LRRC4C: variants seen among roughly 807,000 people sequenced by gnomAD.
The protein encoded by LRRC4C is leucine-rich repeat-containing protein 4C.
LRRC4C carries 5 observed loss-of-function variants against 33.6 expected under a neutral mutation model. The ratio of observed to expected loss-of-function variants is 0.15; its 90% CI spans 0.08 to 0.31. LRRC4C has a LOEUF of 0.31. Ranked by LOEUF, LRRC4C falls within the 10% of genes least tolerant of loss-of-function variation. The probability of loss-of-function intolerance (pLI) is 1.00; values close to 1 mark genes in which losing one functional copy is unlikely to be tolerated. For synonymous variants in LRRC4C, 329 were observed against 302.0 expected (o/e 1.09, Z -0.93); for missense variants, 560 against 796.7 (o/e 0.70, Z 3.58).
intron 2 of LRRC4C, among the ~76,000 whole-genome samples, chr11:40,733,318 G>A (rs780295008): frequency 2.3e-4 from 35 of 151,990 alleles, no homozygotes; most frequent in Non-Finnish European, 3.7e-4. Context: ...CTCCTGATCC[G>A]CCCTCCTCGG....
chr11:40,769,389 A>G (rs1157572141), intron 2 of LRRC4C, among the ~76,000 whole-genome samples: 1 of 152,162 alleles, frequency 6.6e-6, no homozygotes, highest in Admixed American at 6.5e-5. Flanking sequence ...AATATTGTTA[A>G]AATGTGCATG....
chr11:40,939,723 A>G (rs1958060857), intron 1 of LRRC4C, among the ~76,000 whole-genome samples: 2 of 152,300 alleles, frequency 1.3e-5, no homozygotes, highest in South Asian at 2.1e-4. Context: ...CAAAGTGAAG[A>G]TGGTTGCTGA....
intron 5 of LRRC4C, among the ~76,000 whole-genome samples, chr11:40,200,021 G>A (rs1423949982): frequency 6.6e-6 from 1 of 151,810 alleles, no homozygotes; most frequent in Non-Finnish European, 1.5e-5. Flanking sequence ...TTCTGTGGCT[G>A]TCTCAGTGAT....
intron 1 of LRRC4C, among the ~76,000 whole-genome samples, chr11:41,088,613 C>G (rs1041007106): frequency 6.6e-6 from 1 of 152,038 alleles, no homozygotes; most frequent in African/African-American, 2.4e-5. Flanking sequence ...GAACCATACT[C>G]TACTCTCAAA....
chr11:40,490,701 C>T (rs1182134967), intron 3 of LRRC4C, among the ~76,000 whole-genome samples: 1 of 152,240 alleles, frequency 6.6e-6, no homozygotes, highest in Non-Finnish European at 1.5e-5. Flanking sequence ...AAGCATGGAA[C>T]TCCTCGGCAG....
intron 3 of LRRC4C, among the ~76,000 whole-genome samples, chr11:40,462,215 T>G (rs983384582): frequency 6.6e-6 from 1 of 152,092 alleles, no homozygotes; most frequent in Non-Finnish European, 1.5e-5. Flanking sequence ...AAACATTCTT[T>G]CTATTCATAA....
intron 3 of LRRC4C, among the ~76,000 whole-genome samples, chr11:40,385,892 A>AAAT (rs141949687): frequency 1.0e-4 from 12 of 116,740 alleles, no homozygotes; most frequent in African/African-American, 3.6e-4. Flanking sequence ...ATAAATAAAT[A>AAAT]AAATAAAATA....
chr11:40,484,675 A>G (rs1313696337), intron 3 of LRRC4C, among the ~76,000 whole-genome samples: 2 of 152,114 alleles, frequency 1.3e-5, no homozygotes, highest in Admixed American at 1.3e-4. Flanking sequence ...CAAAACATAC[A>G]AAACTTAGAC....
intron 3 of LRRC4C, among the ~76,000 whole-genome samples, chr11:40,640,736 C>T (rs1399942176): frequency 6.6e-6 from 1 of 151,940 alleles, no homozygotes; most frequent in African/African-American, 2.4e-5. Flanking sequence ...CAAATTTGGC[C>T]AGGCGCCATG....
chr11:40,718,284 G>T (rs1215800502), intron 2 of LRRC4C, among the ~76,000 whole-genome samples: 1 of 152,166 alleles, frequency 6.6e-6, no homozygotes, highest in Non-Finnish European at 1.5e-5. Context: ...CATCTTGTGT[G>T]TAGAAGCCAG....
At chr11:40,949,146 T>G (rs1958570437) in intron 1 of LRRC4C, among the ~76,000 whole-genome samples, 1 of 152,056 alleles carries the variant, frequency 6.6e-6, no homozygotes, top group South Asian at 2.1e-4. Flanking sequence ...TCACGTGTTT[T>G]TTGGCTGCAT....
chr11:40,489,545 G>T (rs987211033), intron 3 of LRRC4C, among the ~76,000 whole-genome samples: 2 of 151,820 alleles, frequency 1.3e-5, no homozygotes, highest in African/African-American at 4.8e-5. Context: ...TATCCTTGAG[G>T]GCAGAAATTT....
intron 4 of LRRC4C, among the ~76,000 whole-genome samples, chr11:40,297,718 A>G (rs16934687): frequency 0.083 from 12,680 of 152,158 alleles, 627 homozygotes; most frequent in Non-Finnish European, 0.1. Context: ...CATTTAATGA[A>G]AGCTTGCGAG....
Position 40,878,184 on chromosome 11 carries a change from A to T in LRRC4C, c.-407+55451T>A, listed in dbSNP as rs532511711. Among the ~76,000 whole-genome samples, 325 of 152,206 alleles carry T rather than the reference A, an allele frequency of 2.1e-3. 1 individual carries two copies. The highest frequency in any genetic ancestry group is 6.2e-3 in the African/African-American group (259 of 41,542). ...ATGGGTGGACCGCGTGTAGACTAAAATAAGTGTCGGATTCTGACTTAAAGC... is the reference window on the plus strand; with the variant it reads ...ATGGGTGGACCGCGTGTAGACTAAATTAAGTGTCGGATTCTGACTTAAAGC... On this transcript the variant is annotated intron_variant, in intron 2 of 6. Coordinates refer to ENST00000528697, the MANE Select transcript of LRRC4C (RefSeq NM_001258419.2).
At chr11:40,684,638 A>G (rs1944868718) in intron 2 of LRRC4C, among the ~76,000 whole-genome samples, 1 of 152,032 alleles carries the variant, frequency 6.6e-6, no homozygotes, top group Admixed American at 6.6e-5. Flanking sequence ...AAAAGTAAAA[A>G]TAATACATTT....
chr11:41,284,437 C>T (rs1246457525), intron 1 of LRRC4C, among the ~76,000 whole-genome samples: 2 of 152,140 alleles, frequency 1.3e-5, no homozygotes, highest in Non-Finnish European at 2.9e-5. Flanking sequence ...GAGAGTGACA[C>T]TTATGCACTT....
chr11:40,897,213 C>G (rs1242368435), intron 2 of LRRC4C, among the ~76,000 whole-genome samples: 1 of 152,100 alleles, frequency 6.6e-6, no homozygotes, highest in Non-Finnish European at 1.5e-5. Flanking sequence ...ACTCAGTATC[C>G]TTAGAAGAGT....
chr11:40,627,943 C>T (rs1963108119), intron 3 of LRRC4C, among the ~76,000 whole-genome samples: 1 of 152,114 alleles, frequency 6.6e-6, no homozygotes, highest in East Asian at 1.9e-4. Context: ...AGCAATTTGG[C>T]ACCCTACCGA....
chr11:40,637,015 A>G (rs1941792787), intron 3 of LRRC4C, among the ~76,000 whole-genome samples: 1 of 152,040 alleles, frequency 6.6e-6, no homozygotes, highest in Non-Finnish European at 1.5e-5. Flanking sequence ...TAACCCTGCA[A>G]CTGATTTTAG....
Sources: allele counts gnomAD v4.1 joint callset (sites outside exome capture counted in the v4.1 genomes callset), GRCh38; gene constraint gnomAD v4.1.1; transcripts MANE v1.5; gene names NCBI Gene and HGNC (gene_info 2026-07-23, HGNC 2026-07-21).